Variants in PRSS55 observed in about 807,000 individuals in gnomAD.
The protein encoded by PRSS55 is serine protease 55.
A neutral mutation model predicts 23.6 loss-of-function variants in PRSS55; 41 were observed. That is an observed-to-expected ratio of 1.74 (90% CI 1.35 to 2.26). The LOEUF (loss-of-function observed/expected upper bound fraction) is 2.26, where lower values mean the gene tolerates loss of function less well. Among genes scored for constraint, PRSS55 ranks in the 30% most tolerant of loss-of-function variants. The probability of loss-of-function intolerance (pLI) is 0.00; values close to 1 mark genes in which losing one functional copy is unlikely to be tolerated. For synonymous variants in PRSS55, 262 were observed against 175.5 expected, an observed-to-expected ratio of 1.49 and a Z score of -3.90; for missense variants, 669 against 439.1, an observed-to-expected ratio of 1.52 and a Z score of -4.68.
chr8:10,553,884 C>T (rs1813003813), intron 4 of PRSS55: 3 of 1,164,224 alleles, frequency 2.6e-6, no homozygotes, highest in East Asian at 2.6e-5. Flanking sequence ...CAAAGCACCA[C>T]ATTGTACAAT....
intron 4 of PRSS55, among the ~76,000 whole-genome samples, chr8:10,549,463 G>A (rs1036045111): frequency 2.0e-5 from 3 of 152,220 alleles, no homozygotes; most frequent in Admixed American, 6.5e-5. Flanking sequence ...TTGGGATGTG[G>A]GCTGGGTACG....
At chr8:10,542,374 T>G (rs1050107877), downstream of PRSS55, among the ~76,000 whole-genome samples, 1 of 143,074 alleles carries the variant, frequency 7.0e-6, no homozygotes, top group Non-Finnish European at 1.5e-5. Flanking sequence ...ACGTAATAAA[T>G]GCAATTGTTA....
intron 4 of PRSS55, among the ~76,000 whole-genome samples, chr8:10,544,225 AGTT>A (rs1812752360): frequency 1.3e-5 from 2 of 152,144 alleles, no homozygotes; most frequent in Non-Finnish European, 2.9e-5. Context: ...GTATGTTTAC[AGTT>A]GTTATAGCTT....
In PRSS55 at chr8:10,538,802, T is replaced by C. The variant is rs1585883753; in HGVS notation, c.*9T>C. The C allele has an allele frequency of 1.3e-6, 2 of 1,538,820 alleles. No homozygotes were observed. The highest frequency in any genetic ancestry group is 8.7e-7 in the Non-Finnish European group (1 of 1,145,440). On this transcript the variant is annotated 3_prime_UTR_variant, in exon 5 of 5. Transcript: ENST00000328655. ...GAGCTATTTTGTACTGATAATAAAA[T>C]AGAGGCTATTCTTTCAACCGAGGGA...
chr8:10,534,121 CAAAACAAAA>C (rs913103335), intron 4 of PRSS55, among the ~76,000 whole-genome samples: 1 of 100,714 alleles, frequency 9.9e-6, no homozygotes, highest in Admixed American at 1.2e-4. Context: ...AAAATATTAC[CAAAACAAAA>C]AAAACAAAAA....
chr8:10,544,918 A>G (rs1812776812), intron 4 of PRSS55: 7 of 659,376 alleles, frequency 1.1e-5, no homozygotes, highest in Non-Finnish European at 1.1e-5. Context: ...AGATTTTAAG[A>G]GAAGAAAGGA....
intron 2 of PRSS55, among the ~76,000 whole-genome samples, chr8:10,529,987 C>T (rs1269214237): frequency 6.6e-6 from 1 of 152,184 alleles, no homozygotes; most frequent in African/African-American, 2.4e-5. Flanking sequence ...GCGGCTTGGT[C>T]CAAATGCCTC....
At chr8:10,537,915 G>A (rs1812512452) in intron 4 of PRSS55, among the ~76,000 whole-genome samples, 1 of 152,134 alleles carries the variant, frequency 6.6e-6, no homozygotes, top group South Asian at 2.1e-4. Context: ...CAGGGACTTG[G>A]TTCAGAAGCT....
At chr8:10,543,483 T>TC (rs57701373), downstream of PRSS55, among the ~76,000 whole-genome samples, 73 of 68,354 alleles carry the variant, frequency 1.1e-3, no homozygotes, top group African/African-American at 1.9e-3. Flanking sequence ...TTTCTCTCTT[T>TC]TTTTTTTTTT....
intron 4 of PRSS55, among the ~76,000 whole-genome samples, chr8:10,544,266 T>A (rs1047121665): frequency 6.6e-6 from 1 of 152,212 alleles, no homozygotes; most frequent in Non-Finnish European, 1.5e-5. Flanking sequence ...TTAGTCATTA[T>A]AAAATGTCTC....
At chr8:10,531,783 G>A (rs1585871870) in intron 3 of PRSS55, 2 of 564,868 alleles carry the variant, frequency 3.5e-6, no homozygotes, top group East Asian at 5.9e-5. Context: ...TGTGGTTTGT[G>A]TGTTTAACTG....
chr8:10,546,969 A>G (rs1477141620), intron 4 of PRSS55, among the ~76,000 whole-genome samples: 1 of 152,120 alleles, frequency 6.6e-6, no homozygotes, highest in African/African-American at 2.4e-5. Context: ...GGTGTGAGCC[A>G]CGGTGTCCGA....
At chr8:10,543,171 G>C (rs114862522), downstream of PRSS55, among the ~76,000 whole-genome samples, 602 of 152,132 alleles carry the variant, frequency 4.0e-3, 6 homozygotes, top group African/African-American at 0.013. Context: ...ACCAAGCTTG[G>C]CAATCTTGGC....
intron 1 of PRSS55, among the ~76,000 whole-genome samples, chr8:10,528,471 C>T (rs1812116570): frequency 6.6e-6 from 1 of 152,174 alleles, no homozygotes; most frequent in East Asian, 1.9e-4. Flanking sequence ...GTCAAGTCAG[C>T]AAATATTCAC....
chr8:10,539,831 G>A (rs980192350), downstream of PRSS55, among the ~76,000 whole-genome samples: 9 of 152,196 alleles, frequency 5.9e-5, no homozygotes, highest in African/African-American at 1.2e-4. Flanking sequence ...CCCAGTCTCA[G>A]GTACGTCTTT....
rs553147390 is a variant in PRSS55, at chr8:10,536,464, T to C, written c.742-2012T>C. Among the ~76,000 whole-genome samples, 26 of 152,310 alleles carry C rather than the reference T, an allele frequency of 1.7e-4. No homozygotes were observed. The South Asian group carries it at 4.8e-3, about 28-fold the overall frequency. On this transcript the variant is annotated intron_variant, in intron 4 of 4. Transcript: ENST00000328655. ...CTGTAAAAAGCAGTTCGTAGATTTC[T>C]CAGAGAACTTAAAACACAACTACCA...
chr8:10,525,695 G>A lies in PRSS55; in HGVS notation c.110G>A (p.Gly37Glu), dbSNP rs143770095. 80 of 1,613,662 alleles carry A rather than the reference G, an allele frequency of 5.0e-5. No homozygotes were observed. In the African/African-American group the frequency reaches 9.2e-4, roughly 19 times the overall value. ...AGVAILGRAR[G>E]AHRPQPPHPP... is the part of the protein sequence containing the mutation. ...GTGGCTATCCTAGGCAGGGCTAGGG[G>A]AGCCCACCGCCCTCAGCCCCCTCAT... The change falls in exon 1 of 5, where the codon GGA becomes GAA. Residue 37 changes from glycine to glutamate, a missense_variant. Transcript: ENST00000328655.
chr8:10,527,333 C>T (rs916889543), intron 1 of PRSS55, among the ~76,000 whole-genome samples: 1 of 152,204 alleles, frequency 6.6e-6, no homozygotes, highest in Non-Finnish European at 1.5e-5. Flanking sequence ...CACACATGTG[C>T]TGCCTTCCAG....
intron 4 of PRSS55, among the ~76,000 whole-genome samples, chr8:10,551,588 G>A (rs534608237): frequency 1.3e-5 from 2 of 152,332 alleles, no homozygotes; most frequent in East Asian, 1.9e-4. Context: ...TCTTGTGCGA[G>A]GTAGGGGCAC....
Sources: allele counts gnomAD v4.1 joint callset (sites outside exome capture counted in the v4.1 genomes callset), GRCh38; gene constraint gnomAD v4.1.1; transcripts MANE v1.5; gene names NCBI Gene and HGNC (gene_info 2026-07-23, HGNC 2026-07-21).